The following ERC2 variants were observed in gnomAD, a reference collection of about 807,000 sequenced individuals.
ERC2 encodes the protein ERC protein 2.
ERC2 carries 42 observed loss-of-function variants against 114.8 expected under a neutral mutation model. That is an observed-to-expected ratio of 0.37 (90% CI 0.29 to 0.47). ERC2 has a LOEUF of 0.47. ERC2 is among the 20% of genes least tolerant of loss of function. ERC2 has a pLI of 0.99. For synonymous variants in ERC2, 454 were observed against 425.5 expected (o/e 1.07, Z -0.82); for missense variants, 939 against 1,150.7 (o/e 0.82, Z 2.66).
chr3:55,984,774 G>T (rs2070458110), intron 12 of ERC2, among the ~76,000 whole-genome samples: 1 of 152,182 alleles, frequency 6.6e-6, no homozygotes, highest in Non-Finnish European at 1.5e-5. Flanking sequence ...CCGCGATGAA[G>T]TTCAGGCAGT....
At chr3:55,681,960 A>G (rs1427516595) in intron 17 of ERC2, among the ~76,000 whole-genome samples, 2 of 152,200 alleles carry the variant, frequency 1.3e-5, no homozygotes, top group Non-Finnish European at 2.9e-5. Context: ...CCTGATACTC[A>G]TGATGGCAGA....
chr3:55,632,258 G>A (rs1399792721), intron 17 of ERC2, among the ~76,000 whole-genome samples: 1 of 152,212 alleles, frequency 6.6e-6, no homozygotes, highest in Admixed American at 6.5e-5. Flanking sequence ...GCTGCCAAGT[G>A]GCAATTAACA....
chr3:56,345,904 C>T (rs529740251), intron 2 of ERC2, among the ~76,000 whole-genome samples: 14 of 152,344 alleles, frequency 9.2e-5, no homozygotes, highest in African/African-American at 3.1e-4. Flanking sequence ...CTTCATACCC[C>T]ACCTGTTGGC....
intron 3 of ERC2, among the ~76,000 whole-genome samples, chr3:56,222,046 G>A (rs563271484): frequency 6.6e-6 from 1 of 152,194 alleles, no homozygotes; most frequent in Non-Finnish European, 1.5e-5. Context: ...ACTCATCAGT[G>A]TAAGAAGAGA....
intron 1 of ERC2, among the ~76,000 whole-genome samples, chr3:56,440,557 A>C (rs369796752): frequency 6.6e-6 from 1 of 151,930 alleles, no homozygotes; most frequent in Non-Finnish European, 1.5e-5. Flanking sequence ...CAAAAAAAAA[A>C]AAAAAAAAGA....
intron 5 of ERC2, among the ~76,000 whole-genome samples, chr3:56,140,335 C>A (rs986509812): frequency 4.6e-5 from 7 of 152,104 alleles, no homozygotes; most frequent in Admixed American, 3.9e-4. Context: ...TTTATTATTT[C>A]TTTGCTTGTC....
At chr3:55,521,157 G>T (rs2052904366) in intron 17 of ERC2, among the ~76,000 whole-genome samples, 1 of 152,196 alleles carries the variant, frequency 6.6e-6, no homozygotes, top group Non-Finnish European at 1.5e-5. Context: ...CTAATTAGGG[G>T]TCTCGTTTGA....
At chr3:56,129,972 G>A (rs962476226) in intron 6 of ERC2, among the ~76,000 whole-genome samples, 1 of 152,088 alleles carries the variant, frequency 6.6e-6, no homozygotes, top group African/African-American at 2.4e-5. Flanking sequence ...AAAATAAGTT[G>A]CTCAAAATAC....
chr3:55,956,820 T>A (rs930904366), intron 12 of ERC2, among the ~76,000 whole-genome samples: 5 of 152,024 alleles, frequency 3.3e-5, no homozygotes, highest in Admixed American at 6.6e-5. Context: ...CAAGCCCACA[T>A]CCCCACATTT....
chr3:56,041,264 T>C lies in ERC2; in HGVS notation c.1642-22233A>G, dbSNP rs567931030. On this transcript the variant is annotated intron_variant, in intron 7 of 17. Coordinates refer to ENST00000288221, the MANE Select transcript of ERC2 (RefSeq NM_015576.3). The stretch of plus-strand genomic sequence containing the variant: ...CTAATAGGAAGTCATCTGTTTTGGT[T>C]TAGCATAGTAGTTCAGTCTGACCAA... 2.0e-5 allele frequency among the ~76,000 whole-genome samples: 3 copies of C among 152,262 alleles called. No individual in the cohort carries two copies. The East Asian group carries it at 5.8e-4, about 29-fold the overall frequency.
intron 2 of ERC2, among the ~76,000 whole-genome samples, chr3:56,414,101 T>G (rs1192728627): frequency 6.6e-6 from 1 of 152,190 alleles, no homozygotes; most frequent in Non-Finnish European, 1.5e-5. Context: ...GAAATCCAAG[T>G]CATCAGAAAA....
intron 3 of ERC2, among the ~76,000 whole-genome samples, chr3:56,236,718 C>T (rs1386239440): frequency 3.3e-5 from 5 of 152,142 alleles, no homozygotes; most frequent in African/African-American, 4.8e-5. Context: ...AGGCACCTTG[C>T]TTTTCTACTT....
rs574939865 is a variant in ERC2 at position 56,235,614 on chromosome 3, C to T, written c.1074+60405G>A. On this transcript the variant is annotated intron_variant, in intron 3 of 17. Coordinates refer to ENST00000288221, the MANE Select transcript of ERC2 (RefSeq NM_015576.3). ...CAACACTCCCTTCTGTCTCCCTGAC[C>T]GAGTCCAAGTTCCAGACCCCATTTT... Among the ~76,000 whole-genome samples the T allele has an allele frequency of 5.3e-5, 8 of 152,226 alleles. No homozygotes were observed. In the East Asian group the frequency reaches 5.8e-4, roughly 11 times the overall value.
At chr3:56,228,677 C>T (rs911168316) in intron 3 of ERC2, among the ~76,000 whole-genome samples, 1 of 152,198 alleles carries the variant, frequency 6.6e-6, no homozygotes, top group African/African-American at 2.4e-5. Flanking sequence ...GTACAAGTAT[C>T]TGAGTTTCTG....
At chr3:55,602,337 C>T (rs2058441294) in intron 17 of ERC2, among the ~76,000 whole-genome samples, 1 of 152,176 alleles carries the variant, frequency 6.6e-6, no homozygotes, top group Non-Finnish European at 1.5e-5. Context: ...AAAAGCCATA[C>T]AAATCCCTCC....
rs545547905 is a variant in ERC2, at chr3:56,367,563, T to C, written c.657+66788A>G. Reference sequence around the variant, plus strand: ...TGCATTTAAAGATCCATCCCACCCATGGGCCAGGCATTCAGACCACTGTGG... The same window carrying C: ...TGCATTTAAAGATCCATCCCACCCACGGGCCAGGCATTCAGACCACTGTGG... On this transcript the variant is annotated intron_variant, in intron 2 of 17. Transcript: ENST00000288221. Among the ~76,000 whole-genome samples the C allele has an allele frequency of 3.9e-5, 6 of 152,240 alleles. No individual in the cohort carries two copies. In the East Asian group the frequency reaches 9.6e-4, roughly 24 times the overall value.
chr3:55,903,099 C>G (rs1432515520), intron 13 of ERC2, among the ~76,000 whole-genome samples: 1 of 152,174 alleles, frequency 6.6e-6, no homozygotes, highest in African/African-American at 2.4e-5. Flanking sequence ...CAGATTGTAC[C>G]ATTTATATTC....
intron 13 of ERC2, among the ~76,000 whole-genome samples, chr3:55,933,471 A>G (rs2066247220): frequency 6.6e-6 from 1 of 152,228 alleles, no homozygotes; most frequent in Admixed American, 6.5e-5. Flanking sequence ...ACTTAAACCA[A>G]CAGGGAAGTA....
intron 2 of ERC2, among the ~76,000 whole-genome samples, chr3:56,393,007 A>C (rs1218571161): frequency 6.6e-6 from 1 of 152,042 alleles, no homozygotes; most frequent in Non-Finnish European, 1.5e-5. Context: ...CCTCCTCCCT[A>C]GGGTCTTCAC....
Sources: allele counts gnomAD v4.1 joint callset (sites outside exome capture counted in the v4.1 genomes callset), GRCh38; gene constraint gnomAD v4.1.1; transcripts MANE v1.5; gene names NCBI Gene and HGNC (gene_info 2026-07-23, HGNC 2026-07-21).